Variants in PCDHA7 observed in about 807,000 individuals in gnomAD.
The protein encoded by PCDHA7 is protocadherin alpha 7.
In PCDHA7, 37 loss-of-function variants were observed where a neutral mutation model predicts 57.2. That is an observed-to-expected ratio of 0.65 (90% confidence interval 0.50 to 0.85). The LOEUF (loss-of-function observed/expected upper bound fraction) is 0.85, where lower values mean the gene tolerates loss of function less well. Ranked by LOEUF, PCDHA7 falls within the 40% of genes least tolerant of loss-of-function variation. The pLI is 0.00. For missense variants in PCDHA7, 1,188 were observed against 1,241.8 expected (o/e 0.96, Z 0.65); for synonymous variants, 553 against 558.8 (o/e 0.99, Z 0.15).
intron 3 of PCDHA7, among the ~76,000 whole-genome samples, chr5:141,007,036 A>G (rs1018909399): frequency 4.6e-5 from 7 of 152,200 alleles, no homozygotes; most frequent in African/African-American, 1.4e-4. Context: ...ATTTATATCT[A>G]TGGATATGGC....
At chr5:140,871,418 G>A in intron 1 of PCDHA7, 4 of 1,613,874 alleles carry the variant, frequency 2.5e-6, no homozygotes, top group Admixed American at 1.7e-5. Context: ...ATGGCCTTCA[G>A]CCCCAGTCTT....
At chr5:140,843,442 A>C in intron 1 of PCDHA7, 2 of 1,596,116 alleles carry the variant, frequency 1.3e-6, no homozygotes, top group Non-Finnish European at 1.7e-6. Context: ...TCTGCGCGGT[A>C]TCCAGCCTGC....
chr5:140,849,687 G>T, intron 1 of PCDHA7: 1 of 1,598,686 alleles, frequency 6.3e-7, no homozygotes. Context: ...CTTCAAGCTG[G>T]TGTCCACCTA....
At chr5:140,848,630 G>T in intron 1 of PCDHA7, 1 of 1,593,376 alleles carries the variant, frequency 6.3e-7, no homozygotes, top group Non-Finnish European at 8.6e-7. Flanking sequence ...GCACCTTCGT[G>T]GGCCGCATCG....
intron 1 of PCDHA7, among the ~76,000 whole-genome samples, chr5:140,954,151 A>G (rs2094989173): frequency 6.6e-6 from 1 of 152,226 alleles, no homozygotes; most frequent in Admixed American, 6.5e-5. Context: ...TCCATGGTGT[A>G]TATGTACCAC....
Position 140,873,721 on chromosome 5 carries a change from C to T in PCDHA7, c.2355+36983C>T, listed in dbSNP as rs556752313. On this transcript the variant is annotated intron_variant, in intron 1 of 3. Coordinates refer to ENST00000525929, the MANE Select transcript of PCDHA7 (RefSeq NM_018910.3). ...TATCACCCAGGCTGGTGTGCAGTGG[C>T]GCAATCTCAGCTCACTGCAATCTCC... Among the ~76,000 whole-genome samples, 8 of 152,254 alleles carry T rather than the reference C, an allele frequency of 5.3e-5. No individual in the cohort carries two copies. In the South Asian group the frequency reaches 1.0e-3, roughly 20 times the overall value.
intron 1 of PCDHA7, among the ~76,000 whole-genome samples, chr5:140,937,875 G>GCATGGCGCCCAGGCGC (rs1467494060): frequency 1.3e-5 from 2 of 150,442 alleles, no homozygotes; most frequent in African/African-American, 4.9e-5. Context: ...TCGCGCCACT[G>GCATGGCGCCCAGGCGC]CACTCCAGCC....
chr5:140,861,885 C>G (rs2047123718), intron 1 of PCDHA7: 1 of 155,106 alleles, frequency 6.4e-6, no homozygotes, highest in Non-Finnish European at 1.4e-5. Flanking sequence ...GCTGAGCTGA[C>G]AGGCACCAAA....
At chr5:140,856,264 C>G in intron 1 of PCDHA7, 2 of 1,598,114 alleles carry the variant, frequency 1.3e-6, no homozygotes, top group Non-Finnish European at 1.7e-6. Flanking sequence ...GACACGGGGA[C>G]CTTCTGGAGG....
chr5:140,922,409 C>A (rs1335922543), intron 1 of PCDHA7, among the ~76,000 whole-genome samples: 2 of 152,154 alleles, frequency 1.3e-5, no homozygotes, highest in Non-Finnish European at 2.9e-5. Context: ...TTAAAAAGAT[C>A]TAGGTACAGA....
rs572947059 is a variant in PCDHA7 at position 141,007,735 on chromosome 5, A to G, written c.2504-1892A>G. Reference sequence around the variant, plus strand: ...CCACCAGGGAGAACAAAGGTTAACCACTGAAGATAACTTTGGACTCTTATT... The same window carrying G: ...CCACCAGGGAGAACAAAGGTTAACCGCTGAAGATAACTTTGGACTCTTATT... On this transcript the variant is annotated intron_variant, in intron 3 of 3. Coordinates refer to ENST00000525929, the MANE Select transcript of PCDHA7 (RefSeq NM_018910.3). Among the ~76,000 whole-genome samples, 58 of 152,336 alleles carry G rather than the reference A, an allele frequency of 3.8e-4. 1 individual carries two copies. Among genetic ancestry groups the G allele is most frequent in the South Asian group, 2.9e-3 (14 of 4,824 alleles).
chr5:140,892,498 T>G (rs937078713), intron 1 of PCDHA7, among the ~76,000 whole-genome samples: 3 of 152,232 alleles, frequency 2.0e-5, no homozygotes, highest in Non-Finnish European at 4.4e-5. Flanking sequence ...AGAGATTGTT[T>G]AAGAAGTTCC....
At chr5:140,901,927 A>C (rs2068986448) in intron 1 of PCDHA7, among the ~76,000 whole-genome samples, 1 of 151,764 alleles carries the variant, frequency 6.6e-6, no homozygotes. Context: ...TCTTTGGTTA[A>C]TTCCTAGGTA....
intron 1 of PCDHA7, chr5:140,884,756 T>A: frequency 7.0e-7 from 1 of 1,427,108 alleles, no homozygotes; most frequent in Admixed American, 3.0e-5. Flanking sequence ...TTTCAAATTA[T>A]TCTTTACTTT....
At chr5:140,873,791 G>A (rs1330097708) in intron 1 of PCDHA7, among the ~76,000 whole-genome samples, 1 of 152,152 alleles carries the variant, frequency 6.6e-6, no homozygotes, top group Non-Finnish European at 1.5e-5. Flanking sequence ...TTTCCGAGAA[G>A]CTGGGACTAC....
At chr5:140,933,119 G>A (rs782069505) in intron 1 of PCDHA7, among the ~76,000 whole-genome samples, 1 of 151,936 alleles carries the variant, frequency 6.6e-6, no homozygotes, top group African/African-American at 2.4e-5. Context: ...AAGAAACAAA[G>A]CTAAATAATA....
At chr5:140,997,302 G>A (rs1430183310) in intron 3 of PCDHA7, among the ~76,000 whole-genome samples, 2 of 152,154 alleles carry the variant, frequency 1.3e-5, no homozygotes, top group Non-Finnish European at 2.9e-5. Flanking sequence ...GATACACTGA[G>A]AAATGTGTCT....
intron 1 of PCDHA7, among the ~76,000 whole-genome samples, chr5:140,963,059 A>G (rs1307714661): frequency 6.6e-6 from 1 of 152,162 alleles, no homozygotes; most frequent in Non-Finnish European, 1.5e-5. Context: ...GGGTTTCTAC[A>G]TTGTGAAGGA....
rs116346509 is a variant in PCDHA7 at position 140,904,582 on chromosome 5, G to A, written c.2355+67844G>A. ...TTTTTTTCCTCTGGGTAGACACCCA[G>A]TAGTGGGACTGCTGGATCAAATAGT... On this transcript the variant is annotated intron_variant, in intron 1 of 3. Transcript: ENST00000525929. Among the ~76,000 whole-genome samples, 650 of 152,092 alleles carry A rather than the reference G, an allele frequency of 4.3e-3. 5 individuals are homozygous for A. The highest frequency in any genetic ancestry group is 5.5e-3 in the Non-Finnish European group (373 of 67,986).
Sources: allele counts gnomAD v4.1 joint callset (sites outside exome capture counted in the v4.1 genomes callset), GRCh38; gene constraint gnomAD v4.1.1; transcripts MANE v1.5; gene names NCBI Gene and HGNC (gene_info 2026-07-23, HGNC 2026-07-21).